The following ETV7 variants were observed in gnomAD, a reference collection of about 807,000 sequenced individuals.
The protein encoded by ETV7 is transcription factor ETV7.
A neutral mutation model predicts 39.1 loss-of-function variants in ETV7; 43 were observed. The ratio of observed to expected loss-of-function variants is 1.10; its 90% CI spans 0.86 to 1.42. The LOEUF (loss-of-function observed/expected upper bound fraction) is 1.42, where lower values mean the gene tolerates loss of function less well. ETV7 is among the 40% of genes most tolerant of loss of function. The probability of loss-of-function intolerance (pLI) is 0.00; values close to 1 mark genes in which losing one functional copy is unlikely to be tolerated. For missense variants in ETV7, 432 were observed against 442.3 expected, an observed-to-expected ratio of 0.98 and a Z score of 0.21; for synonymous variants, 196 against 176.6, an observed-to-expected ratio of 1.11 and a Z score of -0.87.
rs1773141027 is a variant in ETV7 at position 36,373,468 on chromosome 6, G to T, written c.418C>A (p.Pro140Thr). Residue 140 changes from proline (P) to threonine (T), a missense_variant, in exon 4 of 8, where the codon CCA (proline) becomes ACA (threonine). Physicochemically the swap from Pro to Thr is conservative, Grantham distance 38. Coordinates refer to ENST00000340181, the MANE Select transcript of ETV7 (RefSeq NM_016135.4). ...FRLKTPTQHS[P>T]VPPEEVTGPS... ...GCTTCCTCACCTTCCGGGGGGACTG[G>T]AGAGTGCTGGGTGGGCGTCTTCAGC... is the stretch of plus-strand genomic sequence containing the variant. 1.3e-6 allele frequency: 2 copies of T among 1,572,206 alleles called. No individual in the cohort carries two copies. The highest frequency in any genetic ancestry group is 1.4e-5 in the African/African-American group (1 of 72,426).
In ETV7 at chr6:36,385,666, C is replaced by T. The variant is rs1773863264; in HGVS notation, c.10G>A (p.Gly4Arg). ...CTTATAGGAGAAATAGCCAATTCTC[C>T]CTCCTAGAGAGAGAAAAACCAGGAC... MQE[G>R]ELAISPISPV... is the part of the protein sequence containing the mutation. The change falls in exon 2 of 8, where the codon GGA becomes AGA. Residue 4 changes from glycine (G) to arginine (R), a missense_variant. Coordinates refer to ENST00000340181, the MANE Select transcript of ETV7 (RefSeq NM_016135.4). 1.9e-6 allele frequency: 3 copies of T among 1,602,586 alleles called. No individual in the cohort carries two copies. Among genetic ancestry groups the T allele is most frequent in the Admixed American group, 1.8e-5 (1 of 56,880 alleles).
At chr6:36,375,711 A>G in intron 3 of ETV7, 160 bp downstream of exon 3, 1 of 1,165,874 alleles carries the variant, frequency 8.6e-7, no homozygotes, top group Non-Finnish European at 1.2e-6. Context: ...AGGAACCACC[A>G]GATACACACG....
downstream of ETV7, among the ~76,000 whole-genome samples, chr6:36,362,228 G>C (rs1772513957): frequency 6.6e-6 from 1 of 152,140 alleles, no homozygotes; most frequent in South Asian, 2.1e-4. Flanking sequence ...CGTGAACCCG[G>C]GAGGCAGAGC....
rs1410762525 is a variant in ETV7, at chr6:36,381,703, A to G, written c.142+3831T>C. Among the ~76,000 whole-genome samples, 3 of 152,266 alleles carry G rather than the reference A, an allele frequency of 2.0e-5. No individual in the cohort carries two copies. The East Asian group carries it at 5.8e-4, about 29-fold the overall frequency. On this transcript the variant is annotated intron_variant, in intron 2 of 7. Coordinates refer to ENST00000340181, the MANE Select transcript of ETV7 (RefSeq NM_016135.4). ...AATCCTTTTCTTGGTAATCACACCAAGCTTTACGGTCATCACCACACTGTG... is the reference window on the plus strand; with the variant it reads ...AATCCTTTTCTTGGTAATCACACCAGGCTTTACGGTCATCACCACACTGTG...
At chr6:36,362,318 G>A (rs1213985211), downstream of ETV7, among the ~76,000 whole-genome samples, 1 of 151,448 alleles carries the variant, frequency 6.6e-6, no homozygotes, top group African/African-American at 2.4e-5. Flanking sequence ...AAAAAAATTA[G>A]CTGGTGTGGT....
chr6:36,370,538 A>AAAAAG (rs373068406), intron 5 of ETV7, among the ~76,000 whole-genome samples: 90 of 152,228 alleles, frequency 5.9e-4, no homozygotes, highest in Admixed American at 1.9e-3. Context: ...CCCGTCTCAA[A>AAAAAG]AAAAGAAAAG....
chr6:36,375,047 C>T (rs1425551419), intron 3 of ETV7, among the ~76,000 whole-genome samples: 3 of 137,328 alleles, frequency 2.2e-5, no homozygotes, highest in South Asian at 2.3e-4. Context: ...CCAGCCTGGG[C>T]GACAAAGTGA....
In ETV7 at chr6:36,366,907, A is replaced by G; in HGVS notation, c.876T>C (p.Ile292=). The G allele has an allele frequency of 6.2e-7, 1 of 1,613,804 alleles. No homozygotes were observed. The highest frequency in any genetic ancestry group is 1.1e-5 in the South Asian group (1 of 91,044). The part of the protein sequence containing the change: ...ALRHYYKLNI[I]KKEPGQKLLF... ...GGAGTTTCTGCCCCGGTTCCTTCTT[A>G]ATGATATTAAGCTTATAATAGTGGC... Residue 292 remains isoleucine (I), a synonymous_variant, in exon 7 of 8, where the codon ATT becomes ATC. Transcript: ENST00000340181.
At chr6:36,367,878 G>A (rs1376769946) in intron 6 of ETV7, among the ~76,000 whole-genome samples, 2 of 152,076 alleles carry the variant, frequency 1.3e-5, no homozygotes, top group African/African-American at 2.4e-5. Flanking sequence ...ATAAGTCAAG[G>A]ATTAAATTAT....
At chr6:36,360,556 G>C (rs1272981288) in intron 7 of ETV7, among the ~76,000 whole-genome samples, 1 of 152,056 alleles carries the variant, frequency 6.6e-6, no homozygotes, top group Non-Finnish European at 1.5e-5. Context: ...TCTACTTACA[G>C]AGCATGCCTG....
intron 2 of ETV7, among the ~76,000 whole-genome samples, chr6:36,383,815 T>C (rs1176134684): frequency 1.3e-5 from 2 of 152,228 alleles, no homozygotes; most frequent in Non-Finnish European, 2.9e-5. Flanking sequence ...TTCCAATAAA[T>C]ATGAGTCATG....
intron 7 of ETV7, chr6:36,354,800 A>G: frequency 1.9e-6 from 1 of 540,366 alleles, no homozygotes; most frequent in Non-Finnish European, 3.3e-6. Context: ...ATATCTGTCC[A>G]TTTATTTAGA....
At chr6:36,363,255 G>A (rs536421460), downstream of ETV7, among the ~76,000 whole-genome samples, 88 of 152,332 alleles carry the variant, frequency 5.8e-4, 1 homozygote, top group Admixed American at 2.7e-3. Flanking sequence ...CTGATGTTCC[G>A]ACGTGTTCAG....
chr6:36,375,798 C>T, intron 3 of ETV7, 73 bp downstream of exon 3: 1 of 1,606,880 alleles, frequency 6.2e-7, no homozygotes, highest in South Asian at 1.1e-5. Flanking sequence ...CTCCCTGGGC[C>T]CCCCGGGGGT....
intron 3 of ETV7, among the ~76,000 whole-genome samples, chr6:36,374,436 T>C (rs781776470): frequency 9.2e-5 from 14 of 151,880 alleles, no homozygotes; most frequent in South Asian, 2.1e-4. Flanking sequence ...AAGGTGCTGA[T>C]AGTAGGGCAG....
intron 2 of ETV7, 147 bp from the exon 3 acceptor site, chr6:36,376,182 C>T (rs1041048759): frequency 3.1e-5 from 21 of 669,218 alleles, no homozygotes; most frequent in Non-Finnish European, 4.9e-5. Context: ...TCTTTCCTTC[C>T]TAGCATGTTA....
In ETV7 at chr6:36,376,158, C is replaced by T. The variant is rs144184616; in HGVS notation, c.143-123G>A. The T allele has an allele frequency of 2.4e-3, 1,893 of 789,738 alleles. 3 individuals are homozygous for T. Among genetic ancestry groups the T allele is most frequent in the Non-Finnish European group, 2.9e-3 (1,486 of 512,452 alleles). The allele number at this position is 789,738 out of a possible 1,614,324, so 48.9% of individuals were successfully genotyped here. ...GCCCCCAACCCCCATCATCTTCTGT[C>T]GCTGCCACCTGTTTCTTTCCTTCCT... On this transcript the variant is annotated intron_variant, in intron 2 of 7. Transcript: ENST00000340181.
At chr6:36,368,804 C>T in intron 6 of ETV7, 125 bp downstream of exon 6, 2 of 1,286,342 alleles carry the variant, frequency 1.6e-6, no homozygotes, top group Non-Finnish European at 2.2e-6. Context: ...TATCCTGTCA[C>T]TTTTGGGGCT....
intron 4 of ETV7, 34 bp downstream of exon 4, chr6:36,373,419 G>A: frequency 6.7e-7 from 1 of 1,499,636 alleles, no homozygotes; most frequent in African/African-American, 1.4e-5. Context: ...TGATTTGAGG[G>A]AGGTACTCCG....
Sources: allele counts gnomAD v4.1 joint callset (sites outside exome capture counted in the v4.1 genomes callset), GRCh38; gene constraint gnomAD v4.1.1; transcripts MANE v1.5; gene names NCBI Gene and HGNC (gene_info 2026-07-23, HGNC 2026-07-21).